CSMD3: variants seen among roughly 807,000 people sequenced by gnomAD.
The protein encoded by CSMD3 is CUB and Sushi multiple domains 3.
In CSMD3, 177 loss-of-function variants were observed where a neutral mutation model predicts 435.2. The observed-to-expected ratio is 0.41, with a 90% confidence interval of 0.36 to 0.46. The LOEUF (loss-of-function observed/expected upper bound fraction) is 0.46. Ranked by LOEUF, CSMD3 falls within the 20% of genes least tolerant of loss-of-function variation. The pLI is 0.34. For synonymous variants in CSMD3, 1,656 were observed against 1,520.5 expected, an observed-to-expected ratio of 1.09 and a Z score of -2.07; for missense variants, 4,265 against 4,504.6, an observed-to-expected ratio of 0.95 and a Z score of 1.52.
chr8:113,183,477 T>A (rs779756917), intron 3 of CSMD3, among the ~76,000 whole-genome samples: 1 of 152,042 alleles, frequency 6.6e-6, no homozygotes, highest in South Asian at 2.1e-4. Flanking sequence ...CTTGAGGTGA[T>A]CTGAAACAAT....
At chr8:113,267,656 T>C (rs1054497694) in intron 3 of CSMD3, among the ~76,000 whole-genome samples, 1 of 151,542 alleles carries the variant, frequency 6.6e-6, no homozygotes, top group African/African-American at 2.4e-5. Context: ...TTAAGTTAGA[T>C]AGAAGGAATA....
At position 112,420,617 on chromosome 8, in the gene CSMD3, A is replaced by G. The variant is rs148956434; in HGVS notation, c.5396-11585T>C. On this transcript the variant is annotated intron_variant, in intron 32 of 70. Coordinates refer to ENST00000297405, the MANE Select transcript of CSMD3 (RefSeq NM_198123.2). ...TATTTTTAATGACATATATTTGTGA[A>G]AAAAAATGAGTCTTTTAAAGCAGAG... Among the ~76,000 whole-genome samples the G allele has an allele frequency of 8.2e-3, 1,245 of 152,192 alleles. 17 individuals are homozygous for G. The highest frequency in any genetic ancestry group is 0.028 in the African/African-American group (1,161 of 41,520).
At chr8:113,051,162 A>T (rs2088072016) in intron 5 of CSMD3, among the ~76,000 whole-genome samples, 1 of 152,160 alleles carries the variant, frequency 6.6e-6, no homozygotes, top group Non-Finnish European at 1.5e-5. Context: ...TTACTAAATA[A>T]ATGCTGTATT....
intron 1 of CSMD3, among the ~76,000 whole-genome samples, chr8:113,432,650 C>A (rs920962904): frequency 1.3e-5 from 2 of 152,188 alleles, no homozygotes; most frequent in African/African-American, 4.8e-5. Flanking sequence ...GAGCCACAAT[C>A]CCCACTCGTT....
intron 13 of CSMD3, among the ~76,000 whole-genome samples, chr8:112,745,138 C>T (rs2077397738): frequency 6.6e-6 from 1 of 151,894 alleles, no homozygotes; most frequent in South Asian, 2.1e-4. Flanking sequence ...TTTGATAGTA[C>T]CCTTAGGAAG....
chr8:112,562,420 G>A lies in CSMD3; in HGVS notation c.4043-5466C>T, dbSNP rs1213034247. On this transcript the variant is annotated intron_variant, in intron 24 of 70. Coordinates refer to ENST00000297405, the MANE Select transcript of CSMD3 (RefSeq NM_198123.2). ...TAAAACATAAATATATACTTTATAA[G>A]TTAAATTCCAGAGTATTTAACGGTC... is the stretch of plus-strand genomic sequence containing the variant. 4.0e-5 allele frequency among the ~76,000 whole-genome samples: 6 copies of A among 151,032 alleles called. No homozygotes were observed. In the East Asian group the frequency reaches 1.2e-3, roughly 29 times the overall value.
intron 4 of CSMD3, among the ~76,000 whole-genome samples, chr8:113,112,097 A>C (rs537269416): frequency 6.6e-6 from 1 of 152,200 alleles, no homozygotes; most frequent in Non-Finnish European, 1.5e-5. Flanking sequence ...AAAATGTCTT[A>C]TAAAATGAAA....
intron 22 of CSMD3, among the ~76,000 whole-genome samples, chr8:112,587,989 T>C (rs1251394998): frequency 6.6e-6 from 1 of 151,870 alleles, no homozygotes; most frequent in Admixed American, 6.6e-5. Flanking sequence ...AGTTCGAACT[T>C]AATTTTAATG....
intron 52 of CSMD3, among the ~76,000 whole-genome samples, chr8:112,302,869 T>G (rs895565180): frequency 6.0e-5 from 9 of 151,008 alleles, no homozygotes; most frequent in African/African-American, 2.2e-4. Context: ...AATATTATTA[T>G]TAATTCTAAT....
chr8:112,873,508 A>G (rs2081192973), intron 10 of CSMD3, among the ~76,000 whole-genome samples: 1 of 151,990 alleles, frequency 6.6e-6, no homozygotes, highest in African/African-American at 2.4e-5. Context: ...GTGCACATAT[A>G]TTATATTTTA....
chr8:112,281,660 G>A (rs117569860), intron 58 of CSMD3, among the ~76,000 whole-genome samples: 1 of 152,182 alleles, frequency 6.6e-6, no homozygotes, highest in East Asian at 1.9e-4. Flanking sequence ...ATCTTTTAGA[G>A]AAGGATTATA....
At chr8:112,633,808 C>A (rs537080472) in intron 22 of CSMD3, among the ~76,000 whole-genome samples, 1 of 151,906 alleles carries the variant, frequency 6.6e-6, no homozygotes, top group Admixed American at 6.6e-5. Flanking sequence ...GAATCAGATG[C>A]CTTATATAAC....
intron 1 of CSMD3, among the ~76,000 whole-genome samples, chr8:113,363,766 CT>C (rs992243351): frequency 1.3e-5 from 2 of 152,016 alleles, no homozygotes; most frequent in South Asian, 4.2e-4. Context: ...CTACAAAGAT[CT>C]TTTTTTTCTT....
chr8:113,195,723 C>A (rs1392336581), intron 3 of CSMD3, among the ~76,000 whole-genome samples: 1 of 145,256 alleles, frequency 6.9e-6, no homozygotes, highest in African/African-American at 2.5e-5. Flanking sequence ...CTATTCATAT[C>A]TATAACTATA....
chr8:112,346,668 C>CTTTTTTTTTTTTTTTTTTTTT (rs1563820913), intron 40 of CSMD3, among the ~76,000 whole-genome samples: 1 of 129,222 alleles, frequency 7.7e-6, no homozygotes. Context: ...CCCTCCTTTT[C>CTTTTTTTTTTTTTTTTTTTTT]CTTTTTTTTT....
intron 31 of CSMD3, among the ~76,000 whole-genome samples, chr8:112,478,263 G>A (rs1819269616): frequency 6.6e-6 from 1 of 152,144 alleles, no homozygotes; most frequent in South Asian, 2.1e-4. Flanking sequence ...AGGATACCTG[G>A]AAATGTAGAA....
rs1427171421 is a variant in CSMD3 at position 112,265,485 on chromosome 8, A to G, written c.9614T>C (p.Met3205Thr). ...CCTGATTCTGGAGCCATTCAATTCC[A>G]TCGTGTAGCCTGGCTGGCACATGTA... is the stretch of plus-strand genomic sequence containing the variant. Reference protein sequence around the residue: ...VSYMCQPGYTMELNGSRIRTC... With the variant: ...VSYMCQPGYTTELNGSRIRTC... Residue 3205 changes from methionine (M) to threonine (T), a missense_variant, in exon 60 of 71, where the codon ATG becomes ACG. Met to Thr is a moderately conservative substitution (Grantham distance 81, BLOSUM62 -1). Around this residue, in one of 3 missense-constraint regions of CSMD3, gnomAD observed 3,255 missense variants for 3,380.2 expected, o/e 0.96. Coordinates refer to ENST00000297405, the MANE Select transcript of CSMD3 (RefSeq NM_198123.2). The G allele has an allele frequency of 6.2e-7, 1 of 1,613,780 alleles. No individual in the cohort carries two copies. Among genetic ancestry groups the G allele is most frequent in the Non-Finnish European group, 8.5e-7 (1 of 1,179,754 alleles).
At chr8:113,383,484 T>C (rs551960538) in intron 1 of CSMD3, among the ~76,000 whole-genome samples, 6 of 152,130 alleles carry the variant, frequency 3.9e-5, no homozygotes, top group Non-Finnish European at 7.4e-5. Flanking sequence ...AGGAGCCTGG[T>C]TGAGTGGAAA....
chr8:112,323,449 G>C (rs1823197036), intron 45 of CSMD3, among the ~76,000 whole-genome samples: 1 of 151,978 alleles, frequency 6.6e-6, no homozygotes, highest in Non-Finnish European at 1.5e-5. Flanking sequence ...TTGAAATAGG[G>C]TTGTTGCAGA....
Sources: allele counts gnomAD v4.1 joint callset (sites outside exome capture counted in the v4.1 genomes callset), GRCh38; gene constraint gnomAD v4.1.1; regional missense constraint gnomAD v4.1.1; transcripts MANE v1.5; gene names NCBI Gene and HGNC (gene_info 2026-07-23, HGNC 2026-07-21).